The following METTL22 variants were observed in gnomAD, a reference collection of about 807,000 sequenced individuals.
The protein encoded by METTL22 is methyltransferase 22, Kin17 lysine, also known as methyltransferase-like protein 22.
A neutral mutation model predicts 48.4 loss-of-function variants in METTL22; 51 were observed. The ratio of observed to expected loss-of-function variants is 1.05; its 90% CI spans 0.84 to 1.33. The LOEUF (loss-of-function observed/expected upper bound fraction) is 1.33, where lower values mean the gene tolerates loss of function less well. Among genes scored for constraint, METTL22 ranks in the 40% most tolerant of loss-of-function variants. The pLI is 0.00. For synonymous variants in METTL22, 255 were observed against 214.1 expected, an observed-to-expected ratio of 1.19 and a Z score of -1.67; for missense variants, 678 against 526.9, an observed-to-expected ratio of 1.29 and a Z score of -2.81.
At chr16:8,629,983 A>G (rs531583508) in intron 3 of METTL22, among the ~76,000 whole-genome samples, 1 of 151,744 alleles carries the variant, frequency 6.6e-6, no homozygotes, top group Admixed American at 6.6e-5. Flanking sequence ...CTTCGAATCC[A>G]CACAGTGTCC....
In METTL22 at chr16:8,646,687, T is replaced by C. The variant is rs1484893734; in HGVS notation, c.*544T>C. On this transcript the variant is annotated 3_prime_UTR_variant, in exon 11 of 11. Coordinates refer to ENST00000381920, the MANE Select transcript of METTL22 (RefSeq NM_024109.4). ...CCAGGAATGGACTGGCATTGGCCTT[T>C]GTATTTAATTTTAACTCTTTATCAC... 4 of 456,752 alleles carry C rather than the reference T, an allele frequency of 8.8e-6. No homozygotes were observed. The highest frequency in any genetic ancestry group is 6.2e-5 in the South Asian group (4 of 64,570). The allele number at this position is 456,752 out of a possible 1,614,324, so 28.3% of individuals were successfully genotyped here. A position where few individuals can be genotyped will look rare whatever the true frequency, so the allele number is the denominator to read the frequency against.
At position 8,639,173 on chromosome 16, in the gene METTL22, G is replaced by T; in HGVS notation, c.772+11G>T. 1 of 1,613,772 alleles carries T rather than the reference G, an allele frequency of 6.2e-7. No individual in the cohort carries two copies. Among genetic ancestry groups the T allele is most frequent in the African/African-American group, 1.3e-5 (1 of 75,040 alleles). Reference sequence around the variant, plus strand: ...TGGCTGCCACTGGAGGTGAGGCCCAGGGGGTCTTCTGCCAGGGAGGGAGGT... The same window carrying T: ...TGGCTGCCACTGGAGGTGAGGCCCATGGGGTCTTCTGCCAGGGAGGGAGGT... On this transcript the variant is annotated intron_variant, in intron 6 of 10. Transcript: ENST00000381920.
intron 2 of METTL22, among the ~76,000 whole-genome samples, chr16:8,628,466 A>G (rs138445295): frequency 0.012 from 1,771 of 151,680 alleles, 41 homozygotes; most frequent in African/African-American, 0.041. Flanking sequence ...CTTCACAGCA[A>G]TTGTGGAGAT....
Position 8,644,682 on chromosome 16 carries a change from C to T in METTL22, c.1136C>T (p.Ala379Val), listed in dbSNP as rs201074748. ...CGCTTCGTGGTGGAGCCCGTGGAGGCCTCCTTCCCACAGCTCCTGGTTTAC... is the reference window on the plus strand; with the variant it reads ...CGCTTCGTGGTGGAGCCCGTGGAGGTCTCCTTCCCACAGCTCCTGGTTTAC... ...KLRFVVEPVE[A>V]SFPQLLVYER... The change falls in exon 10 of 11, where the codon GCC becomes GTC. Residue 379 changes from alanine to valine, a missense_variant. Physicochemically the swap from Ala to Val is moderately conservative, Grantham distance 64. Transcript: ENST00000381920. The T allele has an allele frequency of 6.2e-7, 1 of 1,604,814 alleles. No individual in the cohort carries two copies. Among genetic ancestry groups the T allele is most frequent in the Non-Finnish European group, 8.5e-7 (1 of 1,175,578 alleles).
chr16:8,666,157 G>A, the METTL22 span, among the ~76,000 whole-genome samples: 1 of 152,180 alleles, frequency 6.6e-6, no homozygotes, highest in East Asian at 1.9e-4. Context: ...GGGACAGGTG[G>A]CCAGAAGTGC....
At chr16:8,661,905 G>A in the METTL22 span, among the ~76,000 whole-genome samples, 1 of 144,556 alleles carries the variant, frequency 6.9e-6, no homozygotes, top group African/African-American at 2.6e-5. Flanking sequence ...CGTAAGCTAA[G>A]GCTCGAATCT....
intron 10 of METTL22, among the ~76,000 whole-genome samples, chr16:8,645,237 A>T (rs2056750867): frequency 6.6e-6 from 1 of 152,018 alleles, no homozygotes; most frequent in South Asian, 2.1e-4. Context: ...CCCTTTCTCT[A>T]TGTCTGTGGA....
intron 3 of METTL22, among the ~76,000 whole-genome samples, chr16:8,630,079 C>T (rs1249073604): frequency 2.6e-5 from 4 of 152,072 alleles, no homozygotes; most frequent in African/African-American, 4.8e-5. Flanking sequence ...CCAGGGTCCC[C>T]GATGGTGTCT....
rs187194216 is a variant in METTL22, at chr16:8,647,861, A to G, written c.*1718A>G. 5 of 152,394 alleles carry G rather than the reference A, an allele frequency of 3.3e-5. No individual in the cohort carries two copies. Among genetic ancestry groups the G allele is most frequent in the African/African-American group, 1.2e-4 (5 of 41,594 alleles). The allele number at this position is 152,394 out of a possible 1,614,324, so 9.4% of individuals were successfully genotyped here. A position where few individuals can be genotyped will look rare whatever the true frequency, so the allele number is the denominator to read the frequency against. ...CCCTATTTTGCACATGAGAAATCCAAAATTCAGAGAGGTTCAGCAACTTGC... is the reference window on the plus strand; with the variant it reads ...CCCTATTTTGCACATGAGAAATCCAGAATTCAGAGAGGTTCAGCAACTTGC... On this transcript the variant is annotated 3_prime_UTR_variant, in exon 11 of 11. Transcript: ENST00000381920.
chr16:8,642,581 C>T lies in METTL22; in HGVS notation c.1010+16C>T, dbSNP rs368955910. On this transcript the variant is annotated intron_variant, in intron 9 of 10. Transcript: ENST00000381920. ...TGGAGAAGAGGTGAGCTTTGCGCCA[C>T]GGGAACCGTGCTGACGTCCCGAGTG... 64 of 1,611,472 alleles carry T rather than the reference C, an allele frequency of 4.0e-5. No homozygotes were observed. Among genetic ancestry groups the T allele is most frequent in the Non-Finnish European group, 3.5e-5 (41 of 1,177,686 alleles).
At position 8,628,749 on chromosome 16, in the gene METTL22, G is replaced by C. The variant is rs1196892614; in HGVS notation, c.153G>C (p.Lys51Asn). ...TTTCAGTTTTCCTGTCCCAATTCAA[G>C]CTTCTATGGAGCCAAGACTCTTGGA... ...VGQPVFLSQF[K>N]LLWSQDSWTD... The change falls in exon 3 of 11, where the codon AAG becomes AAC. Residue 51 changes from lysine (K) to asparagine (N), a missense_variant. Transcript: ENST00000381920. The C allele has an allele frequency of 4.4e-6, 7 of 1,608,232 alleles. No homozygotes were observed. Among genetic ancestry groups the C allele is most frequent in the South Asian group, 1.1e-5 (1 of 90,854 alleles).
chr16:8,640,891 T>TGGGTGGGTGGGTGGGTAGATGGATGGATG (rs2056583897), intron 6 of METTL22, among the ~76,000 whole-genome samples: 2 of 49,944 alleles, frequency 4.0e-5, no homozygotes, highest in Admixed American at 2.1e-4. Flanking sequence ...GGTGGGTGGG[T>TGGGTGGGTGGGTGGGTAGATGGATGGATG]GAATGGATGG....
At position 8,625,657 on chromosome 16, in the gene METTL22, G is replaced by C. The variant is rs543798815; in HGVS notation, c.-9G>C. Reference sequence around the variant, plus strand: ...ACTCCTGTCCTAGGACTAAGGTGGAGCCTGGGCCATGGTACAGCTGGCTCC... The same window carrying C: ...ACTCCTGTCCTAGGACTAAGGTGGACCCTGGGCCATGGTACAGCTGGCTCC... On this transcript the variant is annotated 5_prime_UTR_variant, in exon 2 of 11. Transcript: ENST00000381920. 1.9e-6 allele frequency: 3 copies of C among 1,614,036 alleles called. No individual in the cohort carries two copies. The highest frequency in any genetic ancestry group is 2.2e-5 in the South Asian group (2 of 91,082).
At chr16:8,637,499 A>G (rs2056458945) in intron 5 of METTL22, among the ~76,000 whole-genome samples, 1 of 152,252 alleles carries the variant, frequency 6.6e-6, no homozygotes, top group Non-Finnish European at 1.5e-5. Flanking sequence ...TTTCAGATGC[A>G]TCAGTGCCTG....
At chr16:8,662,329 A>G in the METTL22 span, among the ~76,000 whole-genome samples, 2 of 145,306 alleles carry the variant, frequency 1.4e-5, no homozygotes, top group African/African-American at 5.2e-5. Context: ...TCTTTCCATG[A>G]CCCCTGCCCA....
In METTL22 at chr16:8,646,198, T is replaced by TA. The variant is rs2056796658; in HGVS notation, c.*59dup. ...GACTGTTCTTAGAGTGTATTTCTAGTAAAATCAGAAGCTCACCAAAGCAAC... is the reference window on the plus strand; with the variant it reads ...GACTGTTCTTAGAGTGTATTTCTAGTAAAAATCAGAAGCTCACCAAAGCAAC... On this transcript the variant is annotated 3_prime_UTR_variant, in exon 11 of 11. Coordinates refer to ENST00000381920, the MANE Select transcript of METTL22 (RefSeq NM_024109.4). The TA allele has an allele frequency of 6.2e-7, 1 of 1,601,520 alleles. No individual in the cohort carries two copies. Among genetic ancestry groups the TA allele is most frequent in the Admixed American group, 1.7e-5 (1 of 59,624 alleles).
At chr16:8,638,237 A>C (rs4985081) in intron 5 of METTL22, among the ~76,000 whole-genome samples, 11 of 152,094 alleles carry the variant, frequency 7.2e-5, no homozygotes, top group African/African-American at 2.7e-4. Flanking sequence ...TCCCTTCTGC[A>C]AGCAGGGAGC....
chr16:8,653,210 C>T (rs779798006), downstream of METTL22, among the ~76,000 whole-genome samples: 12 of 152,204 alleles, frequency 7.9e-5, no homozygotes, highest in Non-Finnish European at 1.5e-4. Context: ...ACACTAGTTA[C>T]TGATAAACAG....
downstream of METTL22, among the ~76,000 whole-genome samples, chr16:8,650,878 T>C (rs75363955): frequency 2.3e-3 from 349 of 151,742 alleles, 11 homozygotes; most frequent in East Asian, 0.057. Context: ...TACAAAAAAA[T>C]AGCTGGGCAT....
Sources: gnomAD v4.1 joint callset for allele counts (sites outside exome capture counted in the v4.1 genomes callset) on GRCh38, gnomAD v4.1.1 for gene constraint, MANE v1.5 for transcripts, NCBI Gene and HGNC (gene_info 2026-07-23, HGNC 2026-07-21) for gene names.